The following ATP6V0A4 variants were observed in gnomAD, a reference collection of about 807,000 sequenced individuals.
The protein encoded by ATP6V0A4 is V-type proton ATPase 116 kDa subunit a 4.
Under a neutral mutation model 107.3 loss-of-function variants are expected in ATP6V0A4, and 86 were observed. The observed-to-expected ratio is 0.80, with a 90% confidence interval of 0.67 to 0.96. The LOEUF is 0.96. Ranked by LOEUF, ATP6V0A4 falls within the 40% of genes least tolerant of loss-of-function variation. ATP6V0A4 has a pLI of 0.00. For missense variants in ATP6V0A4, 908 were observed against 1,045.6 expected (o/e 0.87, Z 1.81); for synonymous variants, 353 against 381.4 (o/e 0.93, Z 0.87).
intron 1 of ATP6V0A4, among the ~76,000 whole-genome samples, chr7:138,792,766 GT>G (rs1202969668): frequency 1.5e-4 from 10 of 68,696 alleles, no homozygotes; most frequent in African/African-American, 1.3e-4. Context: ...ACTCAGGTTT[GT>G]TTTTTTTTTT....
chr7:138,763,192 C>T, intron 5 of ATP6V0A4, 167 bp from the exon 6 acceptor site: 1 of 326,826 alleles, frequency 3.1e-6, no homozygotes, highest in Non-Finnish European at 4.4e-6. Flanking sequence ...CACAGACACA[C>T]ACACACACAC....
chr7:138,743,573 C>T (rs944496427), intron 14 of ATP6V0A4, among the ~76,000 whole-genome samples: 8 of 152,172 alleles, frequency 5.3e-5, no homozygotes, highest in Non-Finnish European at 8.8e-5. Flanking sequence ...CCATTTATGA[C>T]GTTCACCACA....
At position 138,755,591 on chromosome 7, in the gene ATP6V0A4, T is replaced by C; in HGVS notation, c.816+98A>G. The C allele has an allele frequency of 2.0e-6, 3 of 1,530,600 alleles. No homozygotes were observed. The South Asian group carries it at 3.5e-5, about 18-fold the overall frequency. 94.8% of individuals were successfully genotyped at this position (1,530,600 alleles called of 1,614,324 possible). A position where few individuals can be genotyped will look rare whatever the true frequency, so the allele number is the denominator to read the frequency against. On this transcript the variant is annotated intron_variant, in intron 10 of 21. Transcript: ENST00000310018. Reference sequence around the variant, plus strand: ...GGCATAGCCAGCATTCCAGCCAGCCTCCCAGCAAGGGCCCTGGGGGGCAGG... The same window carrying C: ...GGCATAGCCAGCATTCCAGCCAGCCCCCCAGCAAGGGCCCTGGGGGGCAGG...
chr7:138,752,356 C>T (rs527365522), intron 11 of ATP6V0A4, among the ~76,000 whole-genome samples: 4 of 144,520 alleles, frequency 2.8e-5, no homozygotes, highest in Admixed American at 2.1e-4. Flanking sequence ...GGCTACAGAG[C>T]GAGATTCTAT....
At chr7:138,786,511 C>G (rs958719931) in intron 1 of ATP6V0A4, among the ~76,000 whole-genome samples, 33 of 151,294 alleles carry the variant, frequency 2.2e-4, no homozygotes, top group Admixed American at 1.8e-3. Flanking sequence ...CCAGGGAGGT[C>G]GACGCTGCAG....
chr7:138,708,427 G>C (rs1803563537), intron 21 of ATP6V0A4, among the ~76,000 whole-genome samples: 1 of 152,086 alleles, frequency 6.6e-6, no homozygotes, highest in Admixed American at 6.6e-5. Context: ...TGGAGGCAGG[G>C]GATGCTGTGG....
At chr7:138,786,976 A>G (rs1438402175) in intron 1 of ATP6V0A4, among the ~76,000 whole-genome samples, 2 of 152,326 alleles carry the variant, frequency 1.3e-5, no homozygotes, top group East Asian at 3.9e-4. Context: ...AATATCCTGC[A>G]TTGACTACAG....
At chr7:138,781,704 G>T (rs183269028) in intron 2 of ATP6V0A4, among the ~76,000 whole-genome samples, 2 of 152,102 alleles carry the variant, frequency 1.3e-5, no homozygotes, top group Admixed American at 1.3e-4. Flanking sequence ...AATCAGTATG[G>T]TTTTCATTTC....
chr7:138,745,368 C>T (rs1805861825), intron 13 of ATP6V0A4, 88 bp from the exon 14 acceptor site: 10 of 1,598,330 alleles, frequency 6.3e-6, no homozygotes, highest in South Asian at 2.2e-5. Flanking sequence ...TCTCCAGCAT[C>T]ACCGGTGCAG....
At chr7:138,796,467 C>T (rs1453122998) in intron 1 of ATP6V0A4, among the ~76,000 whole-genome samples, 2 of 152,158 alleles carry the variant, frequency 1.3e-5, no homozygotes, top group East Asian at 3.9e-4. Context: ...TATGTCTTTC[C>T]ACAGAGCTGG....
chr7:138,745,672 G>A (rs1167323939), intron 13 of ATP6V0A4, among the ~76,000 whole-genome samples: 4 of 48,048 alleles, frequency 8.3e-5, no homozygotes, highest in African/African-American at 2.9e-4. Context: ...AAAAAAAAAA[G>A]GCCGGGTGTG....
rs1807508756 is a variant in ATP6V0A4 at position 138,773,694 on chromosome 7, C to T, written c.-17-2430G>A. On this transcript the variant is annotated intron_variant, in intron 2 of 21. Transcript: ENST00000310018. This position sits in a 1 kb window ranked among gnomAD's most constrained non-coding sequence, Gnocchi z 5.4. ...GGGCCCACATTTGTGCCTTTTGACA[C>T]CAAGATGAATTCAAAGCTCTCCTAC... The T allele has an allele frequency of 1.3e-5, 2 of 152,422 alleles. No homozygotes were observed. Among genetic ancestry groups the T allele is most frequent in the Non-Finnish European group, 1.5e-5 (1 of 68,222 alleles). 9.4% of individuals were successfully genotyped at this position (152,422 alleles called of 1,614,324 possible). A position where few individuals can be genotyped will look rare whatever the true frequency, so the allele number is the denominator to read the frequency against.
intron 2 of ATP6V0A4, among the ~76,000 whole-genome samples, chr7:138,778,242 G>A (rs570427947): frequency 4.0e-5 from 6 of 151,874 alleles, no homozygotes; most frequent in African/African-American, 1.5e-4. Flanking sequence ...GGGGCGTGGT[G>A]GTGGGTGCCT....
In ATP6V0A4 at chr7:138,709,747, G is replaced by A. The variant is rs61747678; in HGVS notation, c.2306C>T (p.Thr769Met). 2.7e-3 allele frequency: 4,394 copies of A among 1,614,024 alleles called. 114 individuals carry two copies. In the African/African-American group the frequency reaches 0.052, roughly 19 times the overall value. ...CCCGACGATTCCTCCCCAGCCTCGC[G>A]TCTGAAGGCCGCTGTTCATCACCAT... is the stretch of plus-strand genomic sequence containing the variant. Reference protein sequence around the residue: ...WTMVMNSGLQTRGWGGIVGVF... With the variant: ...WTMVMNSGLQMRGWGGIVGVF... The change falls in exon 21 of 22, where the codon ACG becomes ATG. Residue 769 changes from threonine to methionine, a missense_variant. Coordinates refer to ENST00000310018, the MANE Select transcript of ATP6V0A4 (RefSeq NM_020632.3).
intron 7 of ATP6V0A4, among the ~76,000 whole-genome samples, chr7:138,760,909 T>G (rs952428547): frequency 1.3e-5 from 2 of 152,196 alleles, no homozygotes; most frequent in African/African-American, 2.4e-5. Context: ...TTTTCATGGC[T>G]ACGACACATC....
chr7:138,712,982 C>T (rs145847886), intron 20 of ATP6V0A4, among the ~76,000 whole-genome samples: 2 of 152,248 alleles, frequency 1.3e-5, no homozygotes, highest in African/African-American at 4.8e-5. Context: ...CATGAATGCA[C>T]AGCAGTGCAC....
intron 21 of ATP6V0A4, among the ~76,000 whole-genome samples, chr7:138,707,848 A>C (rs1584881954): frequency 6.8e-6 from 1 of 148,010 alleles, no homozygotes; most frequent in African/African-American, 2.5e-5. Context: ...GAGCTTCCCC[A>C]CCCCCATGAC....
intron 19 of ATP6V0A4, among the ~76,000 whole-genome samples, chr7:138,718,305 T>C (rs1214797926): frequency 1.8e-5 from 1 of 54,854 alleles, no homozygotes; most frequent in African/African-American, 6.0e-5. Context: ...TGTGTGTGTG[T>C]GTGTGTGTGT....
chr7:138,795,563 G>A (rs931896408), intron 1 of ATP6V0A4, among the ~76,000 whole-genome samples: 4 of 152,142 alleles, frequency 2.6e-5, no homozygotes, highest in African/African-American at 4.8e-5. Flanking sequence ...AATCGTTTCC[G>A]TTTAAACATT....
Sources: gnomAD v4.1 joint callset for allele counts (sites outside exome capture counted in the v4.1 genomes callset) on GRCh38, gnomAD v4.1.1 for gene constraint, Gnocchi (gnomAD v3.1) non-coding constraint, MANE v1.5 for transcripts, NCBI Gene and HGNC (gene_info 2026-07-23, HGNC 2026-07-21) for gene names.